Variants in TMEM196 observed in about 807,000 individuals in gnomAD.
TMEM196 encodes the protein transmembrane protein 196.
A neutral mutation model predicts 20.0 loss-of-function variants in TMEM196; 17 were observed. That is an observed-to-expected ratio of 0.85 (90% CI 0.58 to 1.27). The LOEUF (loss-of-function observed/expected upper bound fraction) is 1.27, where lower values mean the gene tolerates loss of function less well. Ranked by LOEUF, TMEM196 falls within the 50% of genes most tolerant of loss-of-function variation. TMEM196 has a pLI of 0.00. For synonymous variants in TMEM196, 113 were observed against 88.9 expected (o/e 1.27, Z -1.52); for missense variants, 267 against 223.0 (o/e 1.20, Z -1.26).
intron 1 of TMEM196, among the ~76,000 whole-genome samples, chr7:19,749,083 T>G (rs1379277358): frequency 6.6e-6 from 1 of 152,204 alleles, no homozygotes; most frequent in Non-Finnish European, 1.5e-5. Flanking sequence ...ATTTTTCCAA[T>G]TTTCTACAGT....
intron 1 of TMEM196, among the ~76,000 whole-genome samples, chr7:19,746,136 T>A (rs1784742348): frequency 6.6e-6 from 1 of 152,168 alleles, no homozygotes; most frequent in African/African-American, 2.4e-5. Flanking sequence ...TGAATCTAAA[T>A]GCTAGCTCCA....
intron 1 of TMEM196, among the ~76,000 whole-genome samples, chr7:19,744,058 A>G (rs775582847): frequency 1.3e-5 from 2 of 152,274 alleles, no homozygotes; most frequent in South Asian, 2.1e-4. Context: ...AAGTACAGTA[A>G]TGGTCTAGGT....
intron 1 of TMEM196, among the ~76,000 whole-genome samples, chr7:19,740,441 A>C (rs1345929412): frequency 6.6e-6 from 1 of 152,146 alleles, no homozygotes; most frequent in Non-Finnish European, 1.5e-5. Flanking sequence ...TTTTGGTTTT[A>C]TTTACATTTG....
At chr7:19,726,836 T>C (rs1784017183) in intron 2 of TMEM196, among the ~76,000 whole-genome samples, 1 of 152,240 alleles carries the variant, frequency 6.6e-6, no homozygotes, top group Non-Finnish European at 1.5e-5. Context: ...AATTGAATTA[T>C]GCAATCTAAT....
At chr7:19,770,975 GTATT>G (rs1056634102) in intron 1 of TMEM196, among the ~76,000 whole-genome samples, 57 of 152,000 alleles carry the variant, frequency 3.8e-4, no homozygotes, top group African/African-American at 1.3e-3. Flanking sequence ...GAGCTGTAGA[GTATT>G]TAAGGCTTCT....
In TMEM196 at chr7:19,722,834, T is replaced by G. The variant is rs192996232; in HGVS notation, c.534-700A>C. ...TTATATGAAATACATTATGAAAAAT[T>G]TTGATGCTTTTAATTCATATGTTTT... On this transcript the variant is annotated intron_variant, in intron 4 of 4. Transcript: ENST00000405844. Among the ~76,000 whole-genome samples, 270 of 152,292 alleles carry G rather than the reference T, an allele frequency of 1.8e-3. 2 individuals carry two copies. The highest frequency in any genetic ancestry group is 0.013 in the South Asian group (65 of 4,828).
chr7:19,760,106 C>T (rs547235821), intron 1 of TMEM196, among the ~76,000 whole-genome samples: 3 of 152,140 alleles, frequency 2.0e-5, no homozygotes, highest in African/African-American at 7.2e-5. Context: ...ATGCCTTCTA[C>T]CTCCTCCCCC....
chr7:19,758,618 A>G (rs1470821447), intron 1 of TMEM196, among the ~76,000 whole-genome samples: 5 of 152,224 alleles, frequency 3.3e-5, no homozygotes, highest in Non-Finnish European at 7.3e-5. Flanking sequence ...ATGAATTTAG[A>G]ATAAATTATT....
intron 1 of TMEM196, among the ~76,000 whole-genome samples, chr7:19,746,003 A>G (rs913074980): frequency 2.0e-4 from 30 of 152,162 alleles, no homozygotes; most frequent in African/African-American, 7.2e-4. Flanking sequence ...TGAGATACAC[A>G]GAAGAACTAC....
chr7:19,749,824 TG>T (rs1332183895), intron 1 of TMEM196, among the ~76,000 whole-genome samples: 1 of 152,178 alleles, frequency 6.6e-6, no homozygotes, highest in Non-Finnish European at 1.5e-5. Context: ...CTCAGCCCGC[TG>T]CAGTGGAAAT....
At chr7:19,770,210 G>A (rs1228738681) in intron 1 of TMEM196, among the ~76,000 whole-genome samples, 1 of 152,102 alleles carries the variant, frequency 6.6e-6, no homozygotes. Context: ...TCTCTCTGAA[G>A]TCACATTCTA....
intron 1 of TMEM196, among the ~76,000 whole-genome samples, chr7:19,750,600 C>A (rs1262310521): frequency 1.3e-5 from 2 of 151,958 alleles, no homozygotes; most frequent in Admixed American, 1.3e-4. Flanking sequence ...TTACCGAGAC[C>A]AGGCCATTTT....
At position 19,729,445 on chromosome 7, in the gene TMEM196, A is replaced by G; in HGVS notation, c.148-7T>C. 1.3e-6 allele frequency: 2 copies of G among 1,550,266 alleles called. No individual in the cohort carries two copies. Among genetic ancestry groups the G allele is most frequent in the Non-Finnish European group, 1.7e-6 (2 of 1,146,710 alleles). On this transcript the variant is annotated splice_polypyrimidine_tract_variant and splice_region_variant and intron_variant, in intron 1 of 4. Coordinates refer to ENST00000405844, the MANE Select transcript of TMEM196 (RefSeq NM_001363562.2). ...AAATGCCACAAAGAAGAAACTGAAA[A>G]GGAAAAGAAGAACAATTACTCCTTA...
intron 1 of TMEM196, among the ~76,000 whole-genome samples, chr7:19,756,822 C>T (rs551102954): frequency 1.1e-4 from 17 of 152,102 alleles, no homozygotes; most frequent in East Asian, 1.9e-4. Flanking sequence ...ATATATGAAC[C>T]GCATTTTCTT....
rs747278219 is a variant in TMEM196 at position 19,725,688 on chromosome 7, C to T, written c.285G>A (p.Lys95=). 9 of 1,613,856 alleles carry T rather than the reference C, an allele frequency of 5.6e-6. No homozygotes were observed. In the South Asian group the frequency reaches 9.9e-5, roughly 18 times the overall value. The part of the protein sequence containing the change: ...LNFQFLRAVT[K]KTSSLYPLHL... ...GCAGTGGGTATAGGGAGGAAGTTTT[C>T]TTTGTGACTGCCCGGAGGAACTGAA... is the stretch of plus-strand genomic sequence containing the variant. Residue 95 remains lysine, a synonymous_variant, in exon 3 of 5, where the codon AAG becomes AAA. Transcript: ENST00000405844.
At chr7:19,765,352 A>G (rs1785585174) in intron 1 of TMEM196, among the ~76,000 whole-genome samples, 1 of 152,166 alleles carries the variant, frequency 6.6e-6, no homozygotes, top group African/African-American at 2.4e-5. Context: ...TACTATTGGT[A>G]CTAATAAATC....
chr7:19,760,878 A>G (rs1253030218), intron 1 of TMEM196, among the ~76,000 whole-genome samples: 1 of 152,214 alleles, frequency 6.6e-6, no homozygotes, highest in Non-Finnish European at 1.5e-5. Flanking sequence ...GAGGAGAGTA[A>G]GCGGGTGGCT....
At chr7:19,724,990 A>G (rs1269772551) in intron 3 of TMEM196, among the ~76,000 whole-genome samples, 21 of 152,214 alleles carry the variant, frequency 1.4e-4, no homozygotes, top group Admixed American at 1.4e-3. Flanking sequence ...AGCTCTCCAA[A>G]TATGCATAAG....
chr7:19,740,681 C>G (rs544716150), intron 1 of TMEM196, among the ~76,000 whole-genome samples: 1 of 152,024 alleles, frequency 6.6e-6, no homozygotes, highest in East Asian at 1.9e-4. Flanking sequence ...TGGGGTGGGC[C>G]AAGGAGCTCT....
Sources: allele counts gnomAD v4.1 joint callset (sites outside exome capture counted in the v4.1 genomes callset), GRCh38; gene constraint gnomAD v4.1.1; transcripts MANE v1.5; gene names NCBI Gene and HGNC (gene_info 2026-07-23, HGNC 2026-07-21).